The following ESYT2 variants were observed in gnomAD, a reference collection of about 807,000 sequenced individuals.
ESYT2 encodes extended synaptotagmin-2.
A neutral mutation model predicts 107.2 loss-of-function variants in ESYT2; 54 were observed. That is an observed-to-expected ratio of 0.50 (90% CI 0.40 to 0.63). The LOEUF (loss-of-function observed/expected upper bound fraction) is 0.63. Among genes scored for constraint, ESYT2 ranks in the 30% least tolerant of loss-of-function variants. ESYT2 has a pLI of 0.00. For synonymous variants in ESYT2, 491 were observed against 434.1 expected (o/e 1.13, Z -1.63); for missense variants, 1,020 against 1,094.5 (o/e 0.93, Z 0.96).
chr7:158,768,871 T>A (rs1008558758), intron 7 of ESYT2, among the ~76,000 whole-genome samples: 2 of 152,214 alleles, frequency 1.3e-5, no homozygotes, highest in African/African-American at 4.8e-5. Context: ...CATCTCTATT[T>A]AAACAAACAA....
chr7:158,793,155 T>G (rs1312657827), intron 4 of ESYT2, among the ~76,000 whole-genome samples: 2 of 152,202 alleles, frequency 1.3e-5, no homozygotes, highest in African/African-American at 4.8e-5. Context: ...TTCAGTGTTT[T>G]TATCATGAAA....
At chr7:158,748,737 G>A (rs950825699) in intron 15 of ESYT2, among the ~76,000 whole-genome samples, 6 of 151,118 alleles carry the variant, frequency 4.0e-5, no homozygotes, top group African/African-American at 9.7e-5. Context: ...TTTTTGGTAG[G>A]GGGGACAGAG....
chr7:158,776,669 T>C (rs1400003513), intron 6 of ESYT2, among the ~76,000 whole-genome samples: 1 of 152,184 alleles, frequency 6.6e-6, no homozygotes, highest in African/African-American at 2.4e-5. Flanking sequence ...GCACTAAAAC[T>C]TTCTCCCTAT....
chr7:158,828,376 G>A (rs969596875), intron 1 of ESYT2, among the ~76,000 whole-genome samples: 1 of 152,270 alleles, frequency 6.6e-6, no homozygotes, highest in African/African-American at 2.4e-5. Context: ...TGGGCGCTCT[G>A]AGAGCAGAAC....
At chr7:158,776,708 G>T (rs987777619) in intron 6 of ESYT2, among the ~76,000 whole-genome samples, 2 of 152,188 alleles carry the variant, frequency 1.3e-5, no homozygotes, top group East Asian at 3.8e-4. Context: ...CTTATCACTG[G>T]TGTGTTCACT....
chr7:158,760,863 G>A (rs1418052287), intron 11 of ESYT2, among the ~76,000 whole-genome samples: 1 of 152,158 alleles, frequency 6.6e-6, no homozygotes, highest in African/African-American at 2.4e-5. Flanking sequence ...CCAGGAAAAC[G>A]AGATGTCACA....
At chr7:158,748,413 C>T in intron 15 of ESYT2, 133 bp from the exon 16 acceptor site, 1 of 693,030 alleles carries the variant, frequency 1.4e-6, no homozygotes. Context: ...CTTAGGTTGA[C>T]CTTAATTAAA....
At chr7:158,782,628 A>T (rs1179883051) in intron 6 of ESYT2, among the ~76,000 whole-genome samples, 1 of 118,828 alleles carries the variant, frequency 8.4e-6, no homozygotes, top group Admixed American at 9.2e-5. Context: ...AGAACATGTG[A>T]AGTGGGTATG....
intron 16 of ESYT2, among the ~76,000 whole-genome samples, chr7:158,745,383 A>G (rs1421711797): frequency 6.6e-6 from 1 of 152,240 alleles, no homozygotes; most frequent in Non-Finnish European, 1.5e-5. Context: ...ACAGAGGCTG[A>G]GGAAAAAAAC....
chr7:158,812,563 T>TCCAA (rs1840019145), intron 1 of ESYT2, among the ~76,000 whole-genome samples: 1 of 152,210 alleles, frequency 6.6e-6, no homozygotes, highest in African/African-American at 2.4e-5. Context: ...CTCAAAATGT[T>TCCAA]AAACATAGAC....
chr7:158,749,807 A>G lies in ESYT2; in HGVS notation c.1483-84T>C. The G allele has an allele frequency of 4.2e-6, 5 of 1,196,260 alleles. No individual in the cohort carries two copies. The South Asian group carries it at 6.8e-5, about 16-fold the overall frequency. 74.1% of individuals were successfully genotyped at this position (1,196,260 alleles called of 1,614,324 possible). A position where few individuals can be genotyped will look rare whatever the true frequency, so the allele number is the denominator to read the frequency against. On this transcript the variant is annotated intron_variant, in intron 14 of 22. Transcript: ENST00000275418. ...ACTAAAAATGAAATTACTGGCTTAT[A>G]TTAGTAGTCATTTTTATTTATCTCT...
chr7:158,805,502 G>A (rs985719497), intron 1 of ESYT2, among the ~76,000 whole-genome samples: 3 of 152,196 alleles, frequency 2.0e-5, no homozygotes, highest in African/African-American at 7.2e-5. Flanking sequence ...AAAGGAAATT[G>A]CAGAAGATAA....
chr7:158,736,973 A>T, intron 20 of ESYT2, 75 bp downstream of exon 20: 1 of 1,581,890 alleles, frequency 6.3e-7, no homozygotes. Context: ...TGGCCACTCA[A>T]AGGCACCATT....
intron 13 of ESYT2, among the ~76,000 whole-genome samples, chr7:158,756,884 G>T (rs934255744): frequency 3.4e-5 from 5 of 146,616 alleles, no homozygotes; most frequent in African/African-American, 1.3e-4. Context: ...ACTCCAGCCT[G>T]GGCAAGAAGA....
intron 1 of ESYT2, among the ~76,000 whole-genome samples, chr7:158,800,410 G>A (rs575929188): frequency 2.2e-4 from 34 of 152,070 alleles, no homozygotes; most frequent in South Asian, 2.1e-4. Context: ...TAAATCCAGA[G>A]ACAGGGTCTC....
intron 15 of ESYT2, among the ~76,000 whole-genome samples, chr7:158,749,141 C>T (rs566246673): frequency 6.6e-5 from 10 of 152,144 alleles, no homozygotes; most frequent in African/African-American, 2.2e-4. Flanking sequence ...GAGTCTTGCT[C>T]TGTCACCCAG....
At chr7:158,741,963 C>T (rs1837225724) in intron 17 of ESYT2, 67 bp from the exon 18 acceptor site, 1 of 1,458,732 alleles carries the variant, frequency 6.9e-7, no homozygotes, top group South Asian at 1.5e-5. Context: ...ACTGGAACAG[C>T]CTGGGATGTC....
At chr7:158,742,552 G>A (rs1837252729) in intron 17 of ESYT2, among the ~76,000 whole-genome samples, 1 of 152,256 alleles carries the variant, frequency 6.6e-6, no homozygotes, top group South Asian at 2.1e-4. Flanking sequence ...GAGGGAGGAA[G>A]AAAGTCCAGA....
At chr7:158,800,502 G>A (rs541155147) in intron 1 of ESYT2, among the ~76,000 whole-genome samples, 15 of 152,100 alleles carry the variant, frequency 9.9e-5, no homozygotes, top group African/African-American at 3.1e-4. Context: ...TGATCCTCCC[G>A]CCTCAGCTTC....
Sources: allele counts gnomAD v4.1 joint callset (sites outside exome capture counted in the v4.1 genomes callset), GRCh38; gene constraint gnomAD v4.1.1; transcripts MANE v1.5; gene names NCBI Gene and HGNC (gene_info 2026-07-23, HGNC 2026-07-21).